The following NPHP4 variants were observed in gnomAD, a reference collection of about 807,000 sequenced individuals.
The protein encoded by NPHP4 is nephrocystin 4.
NPHP4 carries 151 observed loss-of-function variants against 155.8 expected under a neutral mutation model. That is an observed-to-expected ratio of 0.97 (90% CI 0.85 to 1.11). The LOEUF is 1.11. NPHP4 is among the 50% of genes least tolerant of loss of function. The probability of loss-of-function intolerance (pLI) is 0.00; values close to 1 mark genes in which losing one functional copy is unlikely to be tolerated. For synonymous variants in NPHP4, 845 were observed against 816.8 expected (o/e 1.03, Z -0.59); for missense variants, 1,956 against 1,925.7 (o/e 1.02, Z -0.29).
chr1:5,922,489 A>G (rs919448842), intron 11 of NPHP4, among the ~76,000 whole-genome samples: 1 of 152,182 alleles, frequency 6.6e-6, no homozygotes, highest in Non-Finnish European at 1.5e-5. Context: ...GAAAACTAAG[A>G]AAGGTGAAGC....
intron 1 of NPHP4, among the ~76,000 whole-genome samples, 182 bp downstream of exon 1, chr1:5,992,062 C>A (rs1168267194): frequency 6.6e-6 from 1 of 150,904 alleles, no homozygotes; most frequent in African/African-American, 2.5e-5. Flanking sequence ...GCGGGGACAG[C>A]CCCCGCCGCG....
intron 16 of NPHP4, among the ~76,000 whole-genome samples, chr1:5,904,271 T>A (rs1644807827): frequency 6.6e-6 from 1 of 152,236 alleles, no homozygotes; most frequent in Admixed American, 6.5e-5. Context: ...GGCTAGATAT[T>A]TGATGATATT....
intron 6 of NPHP4, among the ~76,000 whole-genome samples, chr1:5,957,458 A>G (rs1324299200): frequency 1.3e-5 from 2 of 151,766 alleles, no homozygotes; most frequent in Admixed American, 6.6e-5. Flanking sequence ...AAACAAGACC[A>G]CTGCAACAGT....
chr1:5,950,205 A>G (rs1647705255), intron 7 of NPHP4, among the ~76,000 whole-genome samples: 1 of 152,244 alleles, frequency 6.6e-6, no homozygotes, highest in Non-Finnish European at 1.5e-5. Flanking sequence ...GGGACTTTCA[A>G]GTGAACATGA....
intron 3 of NPHP4, among the ~76,000 whole-genome samples, chr1:5,977,105 G>C (rs1485721695): frequency 6.6e-6 from 1 of 152,066 alleles, no homozygotes; most frequent in African/African-American, 2.4e-5. Context: ...GTCGTGCTCA[G>C]ACACCATCCC....
At chr1:5,968,946 G>A (rs1341027739) in intron 4 of NPHP4, 141 bp downstream of exon 4, 15 of 534,280 alleles carry the variant, frequency 2.8e-5, no homozygotes, top group Middle Eastern at 5.3e-4. Flanking sequence ...AGAATCGCTC[G>A]AACCCAGGAA....
chr1:5,987,782 C>T (rs925933643), intron 1 of NPHP4, among the ~76,000 whole-genome samples: 24 of 152,292 alleles, frequency 1.6e-4, no homozygotes, highest in African/African-American at 5.5e-4. Flanking sequence ...TTATTCAACA[C>T]CATTTTCACT....
intron 3 of NPHP4, among the ~76,000 whole-genome samples, chr1:5,973,938 T>C (rs562621232): frequency 2.6e-5 from 4 of 152,172 alleles, no homozygotes; most frequent in Non-Finnish European, 5.9e-5. Flanking sequence ...GCTTTTGTTG[T>C]GATGATGTTC....
intron 11 of NPHP4, among the ~76,000 whole-genome samples, chr1:5,915,688 C>T (rs951312030): frequency 2.2e-4 from 34 of 152,140 alleles, no homozygotes; most frequent in Non-Finnish European, 2.5e-4. Flanking sequence ...AGTTCCGTGA[C>T]TTGCCAGAGC....
intron 18 of NPHP4, chr1:5,881,595 G>C (rs1045884742): frequency 6.6e-6 from 1 of 152,240 alleles, no homozygotes; most frequent in Non-Finnish European, 1.5e-5. Context: ...TGTGGTGGTA[G>C]AGAGAGGCTA....
chr1:5,956,062 G>T (rs1413100240), intron 6 of NPHP4, among the ~76,000 whole-genome samples: 1 of 140,644 alleles, frequency 7.1e-6, no homozygotes, highest in Non-Finnish European at 1.6e-5. Flanking sequence ...AAAAAGCTGG[G>T]GGGGGGGGGT....
chr1:5,948,171 G>C lies in NPHP4; in HGVS notation c.891C>G (p.Phe297Leu), dbSNP rs547403324. 6.2e-7 allele frequency: 1 copy of C among 1,612,910 alleles called. No homozygotes were observed. Among genetic ancestry groups the C allele is most frequent in the South Asian group, 1.1e-5 (1 of 90,992 alleles). ...LRVGVHNGLG[F>L]VQRPQVVVLV... The stretch of plus-strand genomic sequence containing the variant: ...GTACAACGACCTGCGGCCTCTGCAC[G>C]AAGCCCAGACCATTGTGCACGCCCA... The change falls in exon 8 of 30, where the codon TTC becomes TTG. Residue 297 changes from phenylalanine to leucine, a missense_variant. Coordinates refer to ENST00000378156, the MANE Select transcript of NPHP4 (RefSeq NM_015102.5).
At chr1:5,990,813 G>A (rs984722329) in intron 1 of NPHP4, among the ~76,000 whole-genome samples, 21 of 152,196 alleles carry the variant, frequency 1.4e-4, no homozygotes, top group African/African-American at 4.8e-4. Context: ...TTTAACTTCA[G>A]GACAGATTCG....
intron 3 of NPHP4, among the ~76,000 whole-genome samples, chr1:5,977,785 GATACCTGCTACCTGGGCA>G (rs1653907202): frequency 7.3e-6 from 1 of 137,738 alleles, no homozygotes; most frequent in East Asian, 2.2e-4. Context: ...TCCAGGCTCT[GATACCTGCTACCTGGGCA>G]AGTCACTTTA....
chr1:5,967,446 C>G, intron 4 of NPHP4, 83 bp from the exon 5 acceptor site: 3 of 1,040,874 alleles, frequency 2.9e-6, no homozygotes, highest in South Asian at 1.4e-5. Flanking sequence ...CAGCCACCAC[C>G]ACGCCCACTA....
At chr1:5,914,990 A>G (rs114539885) in intron 11 of NPHP4, among the ~76,000 whole-genome samples, 5 of 152,216 alleles carry the variant, frequency 3.3e-5, no homozygotes, top group Admixed American at 3.3e-4. Context: ...CTGAGCAAAC[A>G]GGGGTCAGCA....
chr1:5,904,544 T>C, intron 16 of NPHP4, 73 bp downstream of exon 16: 2 of 1,216,906 alleles, frequency 1.6e-6, no homozygotes, highest in Non-Finnish European at 2.3e-6. Flanking sequence ...ACCACTTATT[T>C]AATAACACTG....
In NPHP4 at chr1:5,968,844, G is replaced by C. The variant is rs145288805; in HGVS notation, c.452+243C>G. Among the ~76,000 whole-genome samples the C allele has an allele frequency of 8.5e-5, 13 of 152,160 alleles. No homozygotes were observed. The East Asian group carries it at 2.5e-3, about 29-fold the overall frequency. On this transcript the variant is annotated intron_variant, in intron 4 of 29. Transcript: ENST00000378156. ...AGGTCAGGAGTTCGAGACTAGCCTG[G>C]CCAACATGGCAAAACCCCGTCTCTA...
intron 9 of NPHP4, among the ~76,000 whole-genome samples, chr1:5,940,278 C>T (rs1646754992): frequency 6.6e-6 from 1 of 152,108 alleles, no homozygotes; most frequent in Non-Finnish European, 1.5e-5. Flanking sequence ...CTTTCTCTTG[C>T]TCACCCTCTC....
Sources: gnomAD v4.1 joint callset for allele counts (sites outside exome capture counted in the v4.1 genomes callset) on GRCh38, gnomAD v4.1.1 for gene constraint, MANE v1.5 for transcripts, NCBI Gene and HGNC (gene_info 2026-07-23, HGNC 2026-07-21) for gene names.